NEDD4: variants seen among roughly 807,000 people sequenced by gnomAD.
NEDD4 encodes NEDD4 E3 ubiquitin protein ligase, also known as E3 ubiquitin-protein ligase NEDD4.
NEDD4 carries 99 observed loss-of-function variants against 144.9 expected under a neutral mutation model. The ratio of observed to expected loss-of-function variants is 0.68; its 90% CI spans 0.58 to 0.81. The LOEUF is 0.81. Among genes scored for constraint, NEDD4 ranks in the 30% least tolerant of loss-of-function variants. The probability of loss-of-function intolerance (pLI) is 0.00; values close to 1 mark genes in which losing one functional copy is unlikely to be tolerated. For missense variants in NEDD4, 985 were observed against 1,065.9 expected (o/e 0.92, Z 1.06); for synonymous variants, 318 against 350.6 (o/e 0.91, Z 1.04).
chr15:55,903,458 C>G (rs2035976308), intron 5 of NEDD4, among the ~76,000 whole-genome samples: 2 of 152,118 alleles, frequency 1.3e-5, no homozygotes, highest in African/African-American at 4.8e-5. Context: ...CTATCTCAGA[C>G]AGTTTCCTAA....
At chr15:55,975,360 A>G (rs1474383700) in intron 1 of NEDD4, among the ~76,000 whole-genome samples, 1 of 152,226 alleles carries the variant, frequency 6.6e-6, no homozygotes, top group African/African-American at 2.4e-5. Context: ...CCCAAAAGCT[A>G]TTAGAACTGA....
At chr15:55,992,889 C>A (rs542265560) in intron 1 of NEDD4, among the ~76,000 whole-genome samples, 49 of 152,116 alleles carry the variant, frequency 3.2e-4, no homozygotes, top group Non-Finnish European at 6.6e-4. Context: ...TCAACGACGA[C>A]CGGTGAAATA....
chr15:55,886,802 A>T (rs555524188), intron 5 of NEDD4, among the ~76,000 whole-genome samples: 1 of 152,116 alleles, frequency 6.6e-6, no homozygotes, highest in East Asian at 1.9e-4. Context: ...ATCTTCTCTG[A>T]CCACAAAGGA....
At position 55,903,300 on chromosome 15, in the gene NEDD4, T is replaced by G. The variant is rs1424955249; in HGVS notation, c.291+21346A>C. Among the ~76,000 whole-genome samples, 4 of 152,184 alleles carry G rather than the reference T, an allele frequency of 2.6e-5. No individual in the cohort carries two copies. In the South Asian group the frequency reaches 6.2e-4, roughly 24 times the overall value. On this transcript the variant is annotated intron_variant, in intron 5 of 28. Transcript: ENST00000435532. ...TCCCAGTGCCCGATGAGAGTCCTTT[T>G]GGCTAGTGGTAGTAGAAAGGTGCTT...
intron 4 of NEDD4, among the ~76,000 whole-genome samples, chr15:55,942,131 A>G (rs2037018636): frequency 6.6e-6 from 1 of 151,314 alleles, no homozygotes; most frequent in Non-Finnish European, 1.5e-5. Context: ...GGATTTGTTT[A>G]TTTATTTAGT....
chr15:55,830,506 C>T lies in NEDD4; in HGVS notation c.2600+8G>A, dbSNP rs2032898042. ...CTTTGTTCTATCAAGGTCCAAACAA[C>T]TGCTTACCAGGTATGAGCTCTTGGC... On this transcript the variant is annotated splice_region_variant and intron_variant, in intron 28 of 28. Coordinates refer to ENST00000435532, the MANE Select transcript of NEDD4 (RefSeq NM_006154.4). 6 of 1,613,110 alleles carry T rather than the reference C, an allele frequency of 3.7e-6. No individual in the cohort carries two copies. Among genetic ancestry groups the T allele is most frequent in the Middle Eastern group, 1.6e-4 (1 of 6,080 alleles).
chr15:55,837,929 C>T, intron 23 of NEDD4, 80 bp from the exon 24 acceptor site: 1 of 1,225,746 alleles, frequency 8.2e-7, no homozygotes, highest in Non-Finnish European at 1.2e-6. Context: ...GAAACAAAAA[C>T]TAAAGGCTAG....
chr15:55,860,861 A>C, intron 9 of NEDD4, 83 bp from the exon 10 acceptor site: 1 of 1,203,800 alleles, frequency 8.3e-7, no homozygotes, highest in Non-Finnish European at 1.2e-6. Context: ...ATTGGGAAAA[A>C]AATCTACATT....
rs2033318615 is a variant in NEDD4, at chr15:55,838,520, G to T, written c.2116C>A (p.Leu706Ile). The change falls in exon 22 of 29, where the codon CTT (leucine) becomes ATT (isoleucine). Residue 706 changes from leucine (L) to isoleucine (I), a missense_variant. Coordinates refer to ENST00000435532, the MANE Select transcript of NEDD4 (RefSeq NM_006154.4). ...CAAAATTCACAAACCTGTCCAAAAAGTTCTTCATCTATGATAAACCTGAGG... is the reference window on the plus strand; with the variant it reads ...CAAAATTCACAAACCTGTCCAAAAATTTCTTCATCTATGATAAACCTGAGG... ...LDLRFIIDEE[L>I]FGQTHQHELK... The T allele has an allele frequency of 1.2e-6, 2 of 1,611,112 alleles. No individual in the cohort carries two copies. Among genetic ancestry groups the T allele is most frequent in the South Asian group, 1.1e-5 (1 of 90,952 alleles).
chr15:55,992,449 T>C (rs148919973), intron 1 of NEDD4, among the ~76,000 whole-genome samples: 78 of 152,340 alleles, frequency 5.1e-4, no homozygotes, highest in African/African-American at 1.7e-3. Context: ...ACTATACAAC[T>C]TAAATATTAC....
chr15:55,930,866 C>CA (rs2036766107), intron 4 of NEDD4, among the ~76,000 whole-genome samples: 1 of 152,154 alleles, frequency 6.6e-6, no homozygotes, highest in African/African-American at 2.4e-5. Flanking sequence ...GAGGCCTCCC[C>CA]AGCCATGTGG....
chr15:55,934,912 A>T (rs1186382346), intron 4 of NEDD4, among the ~76,000 whole-genome samples: 1 of 107,818 alleles, frequency 9.3e-6, no homozygotes, highest in African/African-American at 3.6e-5. Context: ...TCTATTGCCC[A>T]GGCTGGAGTG....
chr15:55,865,833 T>C (rs1474569330), intron 8 of NEDD4, among the ~76,000 whole-genome samples: 2 of 152,162 alleles, frequency 1.3e-5, no homozygotes, highest in Non-Finnish European at 2.9e-5. Flanking sequence ...GCAGCAAGGC[T>C]GATCTAGTTT....
At chr15:55,884,380 T>G (rs1339473797) in intron 5 of NEDD4, among the ~76,000 whole-genome samples, 1 of 152,112 alleles carries the variant, frequency 6.6e-6, no homozygotes, top group African/African-American at 2.4e-5. Flanking sequence ...CTTTTCAATG[T>G]CCAGACATTG....
rs144348977 is a variant in NEDD4 at position 55,963,088 on chromosome 15, G to A, written c.119+3385C>T. Reference sequence around the variant, plus strand: ...GCGTGAGCTACCACAACCGGCCTCCGTTACTTTTTTAAATCATTTGCTTCT... The same window carrying A: ...GCGTGAGCTACCACAACCGGCCTCCATTACTTTTTTAAATCATTTGCTTCT... On this transcript the variant is annotated intron_variant, in intron 2 of 28. Transcript: ENST00000435532. Among the ~76,000 whole-genome samples, 9 of 150,052 alleles carry A rather than the reference G, an allele frequency of 6.0e-5. No homozygotes were observed. In the East Asian group the frequency reaches 1.6e-3, roughly 27 times the overall value.
At chr15:55,925,891 A>G (rs2036652509) in intron 4 of NEDD4, among the ~76,000 whole-genome samples, 1 of 152,078 alleles carries the variant, frequency 6.6e-6, no homozygotes, top group Non-Finnish European at 1.5e-5. Context: ...TGGGATGAGG[A>G]AGAAAAAAGT....
chr15:55,833,873 C>G, intron 26 of NEDD4, among the ~76,000 whole-genome samples, 165 bp downstream of exon 26: 1 of 152,232 alleles, frequency 6.6e-6, no homozygotes, highest in African/African-American at 2.4e-5. Context: ...GTTACAGACC[C>G]AGAAGGTGCA....
chr15:55,848,177 T>C (rs12908286), intron 17 of NEDD4, among the ~76,000 whole-genome samples, 195 bp downstream of exon 17: 10,108 of 152,304 alleles, frequency 0.066, 436 homozygotes, highest in Non-Finnish European at 0.098. Flanking sequence ...TCACTGCTAT[T>C]GCGTAGGGTA....
intron 1 of NEDD4, among the ~76,000 whole-genome samples, chr15:55,981,938 T>C (rs1306989551): frequency 6.6e-6 from 1 of 152,222 alleles, no homozygotes. Flanking sequence ...CAATACTATA[T>C]AATTTCTAAG....
Sources: allele counts gnomAD v4.1 joint callset (sites outside exome capture counted in the v4.1 genomes callset), GRCh38; gene constraint gnomAD v4.1.1; transcripts MANE v1.5; gene names NCBI Gene and HGNC (gene_info 2026-07-23, HGNC 2026-07-21).